Variants in MAP3K7 observed in about 807,000 individuals in gnomAD.
MAP3K7 encodes TGF-beta activated kinase 1.
A neutral mutation model predicts 84.8 loss-of-function variants in MAP3K7; 21 were observed. The ratio of observed to expected loss-of-function variants is 0.25; its 90% CI spans 0.18 to 0.36. The LOEUF is 0.36. MAP3K7 is among the 10% of genes least tolerant of loss of function. The pLI is 1.00. For synonymous variants in MAP3K7, 241 were observed against 247.7 expected, an observed-to-expected ratio of 0.97 and a Z score of 0.25; for missense variants, 503 against 747.7, an observed-to-expected ratio of 0.67 and a Z score of 3.82.
At chr6:90,561,375 T>C (rs1776509028) in intron 4 of MAP3K7, among the ~76,000 whole-genome samples, 1 of 152,076 alleles carries the variant, frequency 6.6e-6, no homozygotes, top group African/African-American at 2.4e-5. Flanking sequence ...AAGTAAACTT[T>C]TACTTAAATG....
rs148264046 is a variant in MAP3K7, at chr6:90,570,204, C to T, written c.231+1493G>A. Among the ~76,000 whole-genome samples, 328 of 152,158 alleles carry T rather than the reference C, an allele frequency of 2.2e-3. 2 individuals are homozygous for T. Among genetic ancestry groups the T allele is most frequent in the African/African-American group, 7.5e-3 (312 of 41,524 alleles). The stretch of plus-strand genomic sequence containing the variant: ...TAACCTCAGAAGGATGAAGAGAATG[C>T]AAAGTGCACAAACAGCATACATTTT... On this transcript the variant is annotated intron_variant, in intron 2 of 16. Coordinates refer to ENST00000369329, the MANE Select transcript of MAP3K7 (RefSeq NM_145331.3).
At chr6:90,556,433 A>G (rs1776340718) in intron 6 of MAP3K7, 67 bp downstream of exon 6, 2 of 1,533,350 alleles carry the variant, frequency 1.3e-6, no homozygotes, top group Admixed American at 4.0e-5. Context: ...GGGAAAATCT[A>G]TAAAAACATA....
At chr6:90,577,746 T>G (rs1043120628) in intron 1 of MAP3K7, among the ~76,000 whole-genome samples, 1 of 152,204 alleles carries the variant, frequency 6.6e-6, no homozygotes, top group African/African-American at 2.4e-5. Flanking sequence ...ACCTGGATAT[T>G]TATTAGAAAT....
At chr6:90,545,454 T>C (rs775009045) in intron 11 of MAP3K7, among the ~76,000 whole-genome samples, 1 of 152,106 alleles carries the variant, frequency 6.6e-6, no homozygotes, top group East Asian at 1.9e-4. Flanking sequence ...AAACCATTAT[T>C]ATAACAATTT....
At chr6:90,569,243 T>C (rs1032209938) in intron 2 of MAP3K7, among the ~76,000 whole-genome samples, 3 of 151,896 alleles carry the variant, frequency 2.0e-5, no homozygotes, top group Non-Finnish European at 4.4e-5. Context: ...ACTTAAAATG[T>C]GCACTCCCTC....
At position 90,544,653 on chromosome 6, in the gene MAP3K7, A is replaced by G. The variant is rs1463217639; in HGVS notation, c.1211-21T>C. ...ATAGGCTGCAAAAACACATATATACAGTATACATGCAAACAACCACAAACA... is the reference window on the plus strand; with the variant it reads ...ATAGGCTGCAAAAACACATATATACGGTATACATGCAAACAACCACAAACA... On this transcript the variant is annotated intron_variant, in intron 11 of 16. Coordinates refer to ENST00000369329, the MANE Select transcript of MAP3K7 (RefSeq NM_145331.3). 2.5e-6 allele frequency: 4 copies of G among 1,597,238 alleles called. No homozygotes were observed. The Middle Eastern group carries it at 5.0e-4, about 199-fold the overall frequency.
chr6:90,568,533 G>T, intron 3 of MAP3K7, 25 bp downstream of exon 3: 1 of 1,588,166 alleles, frequency 6.3e-7, no homozygotes, highest in South Asian at 1.2e-5. Flanking sequence ...TCTCACAGGT[G>T]ACCATGAAAA....
intron 12 of MAP3K7, chr6:90,537,277 A>G (rs979298567): frequency 5.9e-5 from 9 of 151,996 alleles, no homozygotes; most frequent in Non-Finnish European, 1.2e-4. Context: ...TTTGACTCTG[A>G]AATCTGTATT....
At chr6:90,565,402 A>ATT (rs2127981564) in intron 3 of MAP3K7, among the ~76,000 whole-genome samples, 1 of 152,364 alleles carries the variant, frequency 6.6e-6, no homozygotes, top group Admixed American at 6.5e-5. Context: ...TTTTACAGAA[A>ATT]TACAAACTAC....
chr6:90,552,022 C>T (rs1439103726), intron 8 of MAP3K7, 27 bp downstream of exon 8: 2 of 1,577,570 alleles, frequency 1.3e-6, no homozygotes, highest in South Asian at 1.1e-5. Context: ...CCCCTAAATC[C>T]AAAGCCCCTC....
chr6:90,572,209 T>C (rs1345775948), intron 1 of MAP3K7, among the ~76,000 whole-genome samples: 4 of 152,062 alleles, frequency 2.6e-5, no homozygotes, highest in African/African-American at 9.7e-5. Context: ...TCAGCTATCA[T>C]ATTTAAGAAA....
rs1248016995 is a variant in MAP3K7, at chr6:90,513,600, T to C, written c.*2901A>G. 6.6e-6 allele frequency: 1 copy of C among 152,160 alleles called. No individual in the cohort carries two copies. Among genetic ancestry groups the C allele is most frequent in the African/African-American group, 2.4e-5 (1 of 41,438 alleles). 9.4% of individuals were successfully genotyped at this position (152,160 alleles called of 1,614,324 possible). A position where few individuals can be genotyped will look rare whatever the true frequency, so the allele number is the denominator to read the frequency against. The stretch of plus-strand genomic sequence containing the variant: ...CCAGTTTAGAATAGGAATCTGAATT[T>C]TATTAAAAACAAAAATAAATCTAAA... On this transcript the variant is annotated 3_prime_UTR_variant, in exon 17 of 17. Transcript: ENST00000369329.
chr6:90,555,394 T>C (rs1359043569), intron 6 of MAP3K7, among the ~76,000 whole-genome samples: 1 of 152,124 alleles, frequency 6.6e-6, no homozygotes, highest in Non-Finnish European at 1.5e-5. Flanking sequence ...TAGCTGGGAC[T>C]ACGGGCGCCC....
At chr6:90,575,262 T>C (rs1777035560) in intron 1 of MAP3K7, among the ~76,000 whole-genome samples, 1 of 152,096 alleles carries the variant, frequency 6.6e-6, no homozygotes. Context: ...TAATAGTACT[T>C]AAAAACTTTT....
rs1009963822 is a variant in MAP3K7, at chr6:90,551,992, A to C, written c.867+57T>G. 28 of 1,527,224 alleles carry C rather than the reference A, an allele frequency of 1.8e-5. No homozygotes were observed. The African/African-American group carries it at 3.4e-4, about 19-fold the overall frequency. 94.6% of individuals were successfully genotyped at this position (1,527,224 alleles called of 1,614,324 possible). A position where few individuals can be genotyped will look rare whatever the true frequency, so the allele number is the denominator to read the frequency against. On this transcript the variant is annotated intron_variant, in intron 8 of 16. Coordinates refer to ENST00000369329, the MANE Select transcript of MAP3K7 (RefSeq NM_145331.3). ...AACATCCCTTTTAAAATTCCATTAAAACTCAGCACATATTAAATTCCCCTA... is the reference window on the plus strand; with the variant it reads ...AACATCCCTTTTAAAATTCCATTAACACTCAGCACATATTAAATTCCCCTA...
At chr6:90,556,198 T>G (rs1360043376) in intron 6 of MAP3K7, among the ~76,000 whole-genome samples, 1 of 152,192 alleles carries the variant, frequency 6.6e-6, no homozygotes, top group Non-Finnish European at 1.5e-5. Flanking sequence ...CAAATAACCA[T>G]GAAAGCACCA....
intron 13 of MAP3K7, among the ~76,000 whole-genome samples, chr6:90,530,774 A>G (rs888160463): frequency 6.6e-6 from 1 of 152,342 alleles, no homozygotes; most frequent in African/African-American, 2.4e-5. Flanking sequence ...AATAAGAGGA[A>G]CACATAACAT....
chr6:90,583,338 A>G (rs1582251416), intron 1 of MAP3K7, among the ~76,000 whole-genome samples: 1 of 152,200 alleles, frequency 6.6e-6, no homozygotes, highest in East Asian at 1.9e-4. Context: ...ACTGAGTGAC[A>G]CTGTAAATCC....
At chr6:90,579,020 T>C (rs157433) in intron 1 of MAP3K7, among the ~76,000 whole-genome samples, 10,320 of 152,146 alleles carry the variant, frequency 0.068, 1,219 homozygotes, top group African/African-American at 0.23. Flanking sequence ...CTCCAAGAAC[T>C]GAAGTTACCT....
Sources: allele counts gnomAD v4.1 joint callset (sites outside exome capture counted in the v4.1 genomes callset), GRCh38; gene constraint gnomAD v4.1.1; transcripts MANE v1.5; gene names NCBI Gene and HGNC (gene_info 2026-07-23, HGNC 2026-07-21).